MAGI2: variants seen among roughly 807,000 people sequenced by gnomAD.
MAGI2 encodes membrane associated guanylate kinase, WW and PDZ domain containing 2.
Under a neutral mutation model 133.3 loss-of-function variants are expected in MAGI2, and 35 were observed. The ratio of observed to expected loss-of-function variants is 0.26; its 90% CI spans 0.20 to 0.35. The LOEUF (loss-of-function observed/expected upper bound fraction) is 0.35, where lower values mean the gene tolerates loss of function less well. Among genes scored for constraint, MAGI2 ranks in the 10% least tolerant of loss-of-function variants. The pLI, the probability that MAGI2 is intolerant of heterozygous loss-of-function variation, is 1.00. For missense variants in MAGI2, 1,636 were observed against 1,863.4 expected, an observed-to-expected ratio of 0.88 and a Z score of 2.25; for synonymous variants, 729 against 710.6, an observed-to-expected ratio of 1.03 and a Z score of -0.41.
At chr7:78,745,543 A>C (rs1822849898) in intron 2 of MAGI2, among the ~76,000 whole-genome samples, 1 of 139,236 alleles carries the variant, frequency 7.2e-6, no homozygotes, top group African/African-American at 2.5e-5. Context: ...AAAAAAAAAA[A>C]CAACAACAAC....
At chr7:78,439,435 G>A (rs929631378) in intron 6 of MAGI2, among the ~76,000 whole-genome samples, 3 of 152,106 alleles carry the variant, frequency 2.0e-5, no homozygotes, top group Non-Finnish European at 2.9e-5. Flanking sequence ...AGATAAACGT[G>A]ACAAAATAGT....
intron 2 of MAGI2, among the ~76,000 whole-genome samples, chr7:78,875,965 A>G (rs1795384932): frequency 6.6e-6 from 1 of 152,188 alleles, no homozygotes; most frequent in South Asian, 2.1e-4. Flanking sequence ...TGATGCATTA[A>G]TAACAGCTGT....
chr7:78,787,138 G>A (rs1273292826), intron 2 of MAGI2, among the ~76,000 whole-genome samples: 4 of 152,026 alleles, frequency 2.6e-5, no homozygotes, highest in East Asian at 1.9e-4. Context: ...AGTAGAGAGG[G>A]GGTTTCACCA....
intron 1 of MAGI2, among the ~76,000 whole-genome samples, chr7:79,212,568 T>C (rs1829590471): frequency 6.6e-6 from 1 of 152,084 alleles, no homozygotes; most frequent in African/African-American, 2.4e-5. Context: ...CAATAACTTC[T>C]AGGTTGGCCA....
At chr7:78,381,218 G>C (rs937203519) in intron 6 of MAGI2, among the ~76,000 whole-genome samples, 1 of 152,030 alleles carries the variant, frequency 6.6e-6, no homozygotes, top group African/African-American at 2.4e-5. Context: ...GTTGTGGCGC[G>C]CATCTGTAAT....
chr7:78,450,633 A>G (rs1347005091), intron 6 of MAGI2, among the ~76,000 whole-genome samples: 1 of 150,596 alleles, frequency 6.6e-6, no homozygotes, highest in Non-Finnish European at 1.5e-5. Flanking sequence ...TGACAAGAAC[A>G]TTTCTCATCT....
chr7:79,451,486 T>A (rs538666438), intron 1 of MAGI2, among the ~76,000 whole-genome samples: 254 of 152,318 alleles, frequency 1.7e-3, no homozygotes, highest in African/African-American at 5.8e-3. Flanking sequence ...ACCAAACTCA[T>A]ATCCCTTCAG....
chr7:78,293,695 T>C (rs798340), intron 9 of MAGI2, among the ~76,000 whole-genome samples: 2 of 151,888 alleles, frequency 1.3e-5, no homozygotes, highest in Non-Finnish European at 1.5e-5. Context: ...CAAATGTCCA[T>C]CAATGATAGA....
intron 2 of MAGI2, among the ~76,000 whole-genome samples, chr7:78,801,697 A>C (rs1788070054): frequency 1.3e-5 from 2 of 152,188 alleles, no homozygotes; most frequent in African/African-American, 4.8e-5. Context: ...AGTCATTTAG[A>C]ATAATTCAAG....
intron 3 of MAGI2, among the ~76,000 whole-genome samples, chr7:78,600,276 A>G (rs978793559): frequency 2.0e-5 from 3 of 152,188 alleles, no homozygotes; most frequent in Non-Finnish European, 4.4e-5. Context: ...AGAAAATAGG[A>G]GAGAATAGCA....
At chr7:78,139,497 G>C (rs1041179701) in intron 16 of MAGI2, among the ~76,000 whole-genome samples, 1 of 152,178 alleles carries the variant, frequency 6.6e-6, no homozygotes, top group African/African-American at 2.4e-5. Flanking sequence ...GAATTACAGA[G>C]CAAGGAAGAG....
intron 1 of MAGI2, among the ~76,000 whole-genome samples, chr7:79,017,829 AAGTCAC>A (rs1021389479): frequency 8.5e-5 from 13 of 152,210 alleles, no homozygotes; most frequent in Non-Finnish European, 1.8e-4. Flanking sequence ...TGAGGAAAAA[AAGTCAC>A]AGCTTGAAGA....
At chr7:78,098,286 G>A (rs1817896788) in intron 20 of MAGI2, among the ~76,000 whole-genome samples, 1 of 151,978 alleles carries the variant, frequency 6.6e-6, no homozygotes, top group Non-Finnish European at 1.5e-5. Flanking sequence ...CACTACATAT[G>A]TACATATCCA....
Position 79,432,723 on chromosome 7 carries a change from G to A in MAGI2, c.301+20297C>T, listed in dbSNP as rs115545817. Among the ~76,000 whole-genome samples, 294 of 152,282 alleles carry A rather than the reference G, an allele frequency of 1.9e-3. 1 individual carries two copies. The highest frequency in any genetic ancestry group is 0.01 in the Middle Eastern group (3 of 294). Reference sequence around the variant, plus strand: ...AGTGGGAAGGAGCTGAATTATAAGTGGTCAGGTTTAGTCTATTCCCCTGTC... The same window carrying A: ...AGTGGGAAGGAGCTGAATTATAAGTAGTCAGGTTTAGTCTATTCCCCTGTC... On this transcript the variant is annotated intron_variant, in intron 1 of 21. Transcript: ENST00000354212.
At chr7:79,384,015 C>T (rs1304151575) in intron 1 of MAGI2, among the ~76,000 whole-genome samples, 1 of 151,256 alleles carries the variant, frequency 6.6e-6, no homozygotes, top group Admixed American at 6.6e-5. Context: ...TATGATAAAG[C>T]CATTCAAAAG....
At chr7:78,612,332 A>C (rs1350005364) in intron 3 of MAGI2, among the ~76,000 whole-genome samples, 1 of 152,188 alleles carries the variant, frequency 6.6e-6, no homozygotes, top group Admixed American at 6.5e-5. Context: ...ATGTAATAGA[A>C]TTAAATAAAT....
At chr7:79,018,664 A>G (rs989936159) in intron 1 of MAGI2, among the ~76,000 whole-genome samples, 4 of 152,230 alleles carry the variant, frequency 2.6e-5, no homozygotes, top group Non-Finnish European at 5.9e-5. Context: ...TCTCACATGA[A>G]GTGGCAGCCA....
chr7:78,829,201 A>C (rs1790920009), intron 2 of MAGI2, among the ~76,000 whole-genome samples: 1 of 152,102 alleles, frequency 6.6e-6, no homozygotes, highest in African/African-American at 2.4e-5. Flanking sequence ...TTTGAATATA[A>C]ATTTTTATTA....
chr7:78,264,503 G>T (rs1209136104), intron 9 of MAGI2, among the ~76,000 whole-genome samples: 1 of 152,178 alleles, frequency 6.6e-6, no homozygotes, highest in Admixed American at 6.6e-5. Flanking sequence ...CAGTGAAGCA[G>T]ATAATTGCAA....
Sources: allele counts gnomAD v4.1 joint callset (sites outside exome capture counted in the v4.1 genomes callset), GRCh38; gene constraint gnomAD v4.1.1; transcripts MANE v1.5; gene names NCBI Gene and HGNC (gene_info 2026-07-23, HGNC 2026-07-21).